Variants in TMTC4 observed in about 807,000 individuals in gnomAD.
TMTC4 encodes transmembrane O-mannosyltransferase targeting cadherins 4.
TMTC4 carries 65 observed loss-of-function variants against 86.0 expected under a neutral mutation model. The observed-to-expected ratio is 0.76, with a 90% CI of 0.62 to 0.93. The LOEUF (loss-of-function observed/expected upper bound fraction) is 0.93. Among genes scored for constraint, TMTC4 ranks in the 40% least tolerant of loss-of-function variants. The probability of loss-of-function intolerance (pLI) is 0.00; values close to 1 mark genes in which losing one functional copy is unlikely to be tolerated. For synonymous variants in TMTC4, 379 were observed against 382.5 expected (o/e 0.99, Z 0.11); for missense variants, 866 against 948.1 (o/e 0.91, Z 1.14).
chr13:100,647,054 C>G (rs918428405), intron 6 of TMTC4, among the ~76,000 whole-genome samples: 1 of 152,172 alleles, frequency 6.6e-6, no homozygotes, highest in Non-Finnish European at 1.5e-5. Flanking sequence ...CAAGTCCATG[C>G]CAGAGCCTCG....
At chr13:100,666,389 G>T (rs938936886) in intron 3 of TMTC4, among the ~76,000 whole-genome samples, 4 of 152,118 alleles carry the variant, frequency 2.6e-5, no homozygotes, top group African/African-American at 9.7e-5. Context: ...TAACAAAAGG[G>T]GCACAGTGTG....
intron 6 of TMTC4, among the ~76,000 whole-genome samples, chr13:100,651,115 G>GA (rs978823676): frequency 6.6e-6 from 1 of 152,058 alleles, no homozygotes; most frequent in Non-Finnish European, 1.5e-5. Flanking sequence ...TCCCCCTCTG[G>GA]AAAAGACTCT....
intron 17 of TMTC4, among the ~76,000 whole-genome samples, chr13:100,608,968 C>A (rs754782817): frequency 1.3e-5 from 2 of 152,124 alleles, no homozygotes; most frequent in Non-Finnish European, 2.9e-5. Context: ...CCTGGGTGGG[C>A]GGAGGTCATT....
chr13:100,656,542 C>CTTTTTTTGTTTTTTTT, intron 5 of TMTC4, 74 bp from the exon 6 acceptor site: 1 of 384,140 alleles, frequency 2.6e-6, no homozygotes, highest in Non-Finnish European at 4.2e-6. Context: ...GGAGACATAA[C>CTTTTTTTGTTTTTTTT]TTTTTTTTTT....
At chr13:100,664,889 C>T (rs926165070) in intron 3 of TMTC4, among the ~76,000 whole-genome samples, 2 of 152,202 alleles carry the variant, frequency 1.3e-5, no homozygotes, top group African/African-American at 2.4e-5. Flanking sequence ...GGTTTGCTGG[C>T]TGTATACAGA....
chr13:100,620,154 G>A (rs542566692), intron 15 of TMTC4, among the ~76,000 whole-genome samples: 1 of 152,236 alleles, frequency 6.6e-6, no homozygotes, highest in East Asian at 1.9e-4. Flanking sequence ...GCAGTCCTAC[G>A]CTTACCCTTC....
At chr13:100,622,840 A>G (rs1879751484) in intron 15 of TMTC4, among the ~76,000 whole-genome samples, 1 of 152,096 alleles carries the variant, frequency 6.6e-6, no homozygotes, top group South Asian at 2.1e-4. Flanking sequence ...GGTTAGTTAC[A>G]TATGTATATA....
intron 15 of TMTC4, among the ~76,000 whole-genome samples, chr13:100,621,018 C>T (rs565242488): frequency 2.6e-5 from 4 of 152,094 alleles, no homozygotes; most frequent in South Asian, 2.1e-4. Context: ...GAACAGTTGG[C>T]GGAATGGAAT....
chr13:100,667,641 C>G (rs1886549606), intron 3 of TMTC4, among the ~76,000 whole-genome samples: 1 of 152,098 alleles, frequency 6.6e-6, no homozygotes, highest in Non-Finnish European at 1.5e-5. Context: ...GAATCCATAA[C>G]TTCACATTTT....
chr13:100,660,589 A>AGGCAG (rs1885651021), intron 5 of TMTC4, among the ~76,000 whole-genome samples: 2 of 151,250 alleles, frequency 1.3e-5, no homozygotes. Context: ...GTTGGTCAAC[A>AGGCAG]CCTGGGAGGA....
At position 100,643,367 on chromosome 13, in the gene TMTC4, C is replaced by T. The variant is rs141720572; in HGVS notation, c.641-1056G>A. 7.2e-5 allele frequency among the ~76,000 whole-genome samples: 11 copies of T among 152,362 alleles called. No homozygotes were observed. The East Asian group carries it at 2.1e-3, about 29-fold the overall frequency. On this transcript the variant is annotated intron_variant, in intron 6 of 18. Transcript: ENST00000342624. The stretch of plus-strand genomic sequence containing the variant: ...AAGCATCTGAATGCCAGCTCTGCCA[C>T]TCACTGCGTGACACTGAGCAAGTGA...
intron 1 of TMTC4, among the ~76,000 whole-genome samples, chr13:100,672,089 A>C (rs1332365446): frequency 6.6e-6 from 1 of 152,148 alleles, no homozygotes; most frequent in Non-Finnish European, 1.5e-5. Context: ...GTAAGGATTA[A>C]AGGAGAAAAT....
At chr13:100,620,674 T>A (rs1353657015) in intron 15 of TMTC4, among the ~76,000 whole-genome samples, 2 of 152,116 alleles carry the variant, frequency 1.3e-5, no homozygotes, top group Non-Finnish European at 2.9e-5. Flanking sequence ...CCATTATTGC[T>A]TAGAATATAA....
chr13:100,673,202 C>G, intron 1 of TMTC4: 1 of 471,202 alleles, frequency 2.1e-6, no homozygotes, highest in South Asian at 9.2e-5. Flanking sequence ...CCAAAAAGAC[C>G]CCACACAGGG....
intron 1 of TMTC4, chr13:100,673,377 T>G: frequency 1.0e-6 from 1 of 985,156 alleles, no homozygotes; most frequent in Non-Finnish European, 1.2e-6. Context: ...CCTCCATGCA[T>G]CCAGGGGCCT....
In TMTC4 at chr13:100,637,649, G is replaced by A. The variant is rs996327781; in HGVS notation, c.888C>T (p.Thr296=). The A allele has an allele frequency of 4.3e-6, 7 of 1,614,182 alleles. No individual in the cohort carries two copies. The East Asian group carries it at 1.3e-4, about 31-fold the overall frequency. The change falls in exon 9 of 19, where the codon ACC becomes ACT. Residue 296 remains threonine (T), a synonymous_variant. Coordinates refer to ENST00000342624, the MANE Select transcript of TMTC4 (RefSeq NM_032813.5). ...GGLLFRMTLL[T]SGGAGMLYVR... ...CGTAGAGCATCCCAGCCCCTCCAGAGGTGAGCAGGGTCATTCTGAAGAGGA... is the reference window on the plus strand; with the variant it reads ...CGTAGAGCATCCCAGCCCCTCCAGAAGTGAGCAGGGTCATTCTGAAGAGGA...
In TMTC4 at chr13:100,650,399, G is replaced by C. The variant is rs185655181; in HGVS notation, c.640+5982C>G. ...CAGCAGATGTGATCCATTTAATGAA[G>C]CACGTGCCTCGGATTTGGCACTCCT... On this transcript the variant is annotated intron_variant, in intron 6 of 18. Transcript: ENST00000342624. 1.5e-3 allele frequency among the ~76,000 whole-genome samples: 229 copies of C among 152,336 alleles called. 1 individual carries two copies. Among genetic ancestry groups the C allele is most frequent in the African/African-American group, 5.2e-3 (215 of 41,572 alleles).
chr13:100,668,186 C>CCGTCCAT (rs2139059527), intron 3 of TMTC4, among the ~76,000 whole-genome samples: 2 of 152,050 alleles, frequency 1.3e-5, no homozygotes, highest in African/African-American at 4.8e-5. Flanking sequence ...GTGATCACAC[C>CCGTCCAT]CGTCCATCAC....
chr13:100,616,788 C>G (rs527249143), intron 15 of TMTC4, among the ~76,000 whole-genome samples: 1 of 152,230 alleles, frequency 6.6e-6, no homozygotes, highest in East Asian at 1.9e-4. Flanking sequence ...AGCATTTTCT[C>G]ATATGTTTGT....
Sources: allele counts gnomAD v4.1 joint callset (sites outside exome capture counted in the v4.1 genomes callset), GRCh38; gene constraint gnomAD v4.1.1; transcripts MANE v1.5; gene names NCBI Gene and HGNC (gene_info 2026-07-23, HGNC 2026-07-21).